The following NRXN3 variants were observed in gnomAD, a reference collection of about 807,000 sequenced individuals.
NRXN3 encodes the protein neurexin 3, also known as neurexin III.
NRXN3 carries 32 observed loss-of-function variants against 137.6 expected under a neutral mutation model. The observed-to-expected ratio is 0.23, with a 90% CI of 0.18 to 0.31. The LOEUF is 0.31. Ranked by LOEUF, NRXN3 falls within the 10% of genes least tolerant of loss-of-function variation. NRXN3 has a pLI of 1.00. For missense variants in NRXN3, 1,574 were observed against 2,062.5 expected (o/e 0.76, Z 4.59); for synonymous variants, 798 against 784.5 (o/e 1.02, Z -0.29).
At chr14:78,966,868 A>G (rs976261320) in intron 12 of NRXN3, among the ~76,000 whole-genome samples, 6 of 152,206 alleles carry the variant, frequency 3.9e-5, no homozygotes, top group Non-Finnish European at 8.8e-5. Flanking sequence ...AATAGTCAAA[A>G]CAAAAAACCA....
At chr14:79,803,441 T>C (rs750731390) in intron 19 of NRXN3, among the ~76,000 whole-genome samples, 43 of 152,290 alleles carry the variant, frequency 2.8e-4, no homozygotes, top group African/African-American at 5.1e-4. Flanking sequence ...TCCCCTTGGC[T>C]TGCAGATGAC....
At chr14:78,286,473 G>T (rs951000795) in intron 3 of NRXN3, among the ~76,000 whole-genome samples, 2 of 152,150 alleles carry the variant, frequency 1.3e-5, no homozygotes, top group African/African-American at 2.4e-5. Flanking sequence ...CTCCCAGTCT[G>T]CAGACCTGCC....
intron 4 of NRXN3, among the ~76,000 whole-genome samples, chr14:78,381,058 G>A (rs927472246): frequency 6.6e-6 from 1 of 152,122 alleles, no homozygotes; most frequent in Non-Finnish European, 1.5e-5. Context: ...AGAAAAGGTA[G>A]CTTTTTCAAC....
intron 15 of NRXN3, among the ~76,000 whole-genome samples, chr14:79,413,503 A>G (rs112681933): frequency 3.5e-4 from 53 of 152,204 alleles, no homozygotes; most frequent in African/African-American, 1.2e-3. Context: ...AGAGTTCCAC[A>G]GTGAGATGGA....
intron 16 of NRXN3, among the ~76,000 whole-genome samples, chr14:79,470,825 C>T (rs1457322299): frequency 6.6e-6 from 1 of 150,504 alleles, no homozygotes; most frequent in Non-Finnish European, 1.5e-5. Context: ...TGGTCAAAAA[C>T]AAAGTACAAA....
intron 15 of NRXN3, among the ~76,000 whole-genome samples, chr14:79,236,931 A>C (rs1255566440): frequency 6.6e-6 from 1 of 152,052 alleles, no homozygotes; most frequent in Non-Finnish European, 1.5e-5. Flanking sequence ...TATATTTTTA[A>C]AAGTGTGTTA....
chr14:79,094,987 T>A (rs1231452708), intron 15 of NRXN3, among the ~76,000 whole-genome samples: 3 of 151,028 alleles, frequency 2.0e-5, no homozygotes, highest in Admixed American at 6.6e-5. Flanking sequence ...AGAGTGTGTG[T>A]GTGTGTGTGT....
At chr14:79,475,230 C>T (rs1184144325) in intron 16 of NRXN3, among the ~76,000 whole-genome samples, 1 of 151,952 alleles carries the variant, frequency 6.6e-6, no homozygotes, top group African/African-American at 2.4e-5. Flanking sequence ...ATGAAATGTA[C>T]AATAATGCAA....
At chr14:78,312,745 A>G (rs2078122224) in intron 4 of NRXN3, among the ~76,000 whole-genome samples, 1 of 152,098 alleles carries the variant, frequency 6.6e-6, no homozygotes, top group Non-Finnish European at 1.5e-5. Flanking sequence ...GGGTGCAGGA[A>G]ATCGGTTCTT....
Position 79,325,342 on chromosome 14 carries a change from A to T in NRXN3, c.3263-141879A>T, listed in dbSNP as rs7159701. On this transcript the variant is annotated intron_variant, in intron 15 of 20. Transcript: ENST00000335750. Reference sequence around the variant, plus strand: ...TGCTAGTATTGACAAGGTGACAGAGAGCCCACACTTGCCTCACATGTTGGC... The same window carrying T: ...TGCTAGTATTGACAAGGTGACAGAGTGCCCACACTTGCCTCACATGTTGGC... Among the ~76,000 whole-genome samples the T allele has an allele frequency of 7.8e-3, 1,184 of 152,226 alleles. 25 individuals are homozygous for T. The South Asian group carries it at 0.078, about 10-fold the overall frequency.
intron 6 of NRXN3, among the ~76,000 whole-genome samples, chr14:78,670,497 A>G (rs1001331814): frequency 6.6e-6 from 1 of 152,196 alleles, no homozygotes; most frequent in Non-Finnish European, 1.5e-5. Context: ...AGTAGGTCTC[A>G]GCCTTGTTTT....
intron 16 of NRXN3, among the ~76,000 whole-genome samples, chr14:79,523,559 A>G (rs978846222): frequency 1.3e-5 from 2 of 152,234 alleles, no homozygotes; most frequent in African/African-American, 4.8e-5. Flanking sequence ...ACTGCTCAGG[A>G]TCTGAGATCG....
intron 19 of NRXN3, among the ~76,000 whole-genome samples, chr14:79,784,240 G>A (rs1603497270): frequency 3.3e-5 from 5 of 152,246 alleles, no homozygotes; most frequent in Admixed American, 3.3e-4. Context: ...TCAGTTCTAG[G>A]CCCTTAGCAT....
At chr14:79,342,085 C>T (rs756237935) in intron 15 of NRXN3, among the ~76,000 whole-genome samples, 2 of 152,188 alleles carry the variant, frequency 1.3e-5, no homozygotes, top group East Asian at 1.9e-4. Context: ...GTTCCAGTAA[C>T]CAAATCTGTG....
intron 4 of NRXN3, among the ~76,000 whole-genome samples, chr14:78,585,000 G>A (rs1395633796): frequency 6.6e-6 from 1 of 152,134 alleles, no homozygotes; most frequent in Admixed American, 6.5e-5. Flanking sequence ...CCAGCAGTGA[G>A]CCAAACATAC....
intron 15 of NRXN3, among the ~76,000 whole-genome samples, chr14:79,016,655 G>A (rs1312533583): frequency 6.6e-6 from 1 of 152,162 alleles, no homozygotes; most frequent in Non-Finnish European, 1.5e-5. Flanking sequence ...GGTACATAGA[G>A]CAGGAGGATT....
intron 4 of NRXN3, among the ~76,000 whole-genome samples, chr14:78,330,438 G>A (rs1404072649): frequency 6.6e-6 from 1 of 151,988 alleles, no homozygotes; most frequent in African/African-American, 2.4e-5. Flanking sequence ...CCTAATTTAG[G>A]TGGGCTTGGT....
At chr14:79,405,040 T>A (rs1227947768) in intron 15 of NRXN3, among the ~76,000 whole-genome samples, 1 of 152,088 alleles carries the variant, frequency 6.6e-6, no homozygotes, top group Non-Finnish European at 1.5e-5. Context: ...GGAGACTGTA[T>A]CATATTCCAG....
At chr14:78,238,586 T>G (rs1009132418) in intron 1 of NRXN3, among the ~76,000 whole-genome samples, 1 of 152,232 alleles carries the variant, frequency 6.6e-6, no homozygotes, top group Non-Finnish European at 1.5e-5. Context: ...TTTGGCAATT[T>G]CCCAGAGGCT....
Sources: gnomAD v4.1 joint callset for allele counts (sites outside exome capture counted in the v4.1 genomes callset) on GRCh38, gnomAD v4.1.1 for gene constraint, MANE v1.5 for transcripts, NCBI Gene and HGNC (gene_info 2026-07-23, HGNC 2026-07-21) for gene names.